BLVRA: variants seen among roughly 807,000 people sequenced by gnomAD.
BLVRA encodes the protein BVR A.
BLVRA carries 22 observed loss-of-function variants against 32.8 expected under a neutral mutation model. That is an observed-to-expected ratio of 0.67 (90% CI 0.48 to 0.96). The LOEUF (loss-of-function observed/expected upper bound fraction) is 0.96, where lower values mean the gene tolerates loss of function less well. Ranked by LOEUF, BLVRA falls within the 40% of genes least tolerant of loss-of-function variation. The probability of loss-of-function intolerance (pLI) is 0.00; values close to 1 mark genes in which losing one functional copy is unlikely to be tolerated. For synonymous variants in BLVRA, 119 were observed against 141.3 expected (o/e 0.84, Z 1.12); for missense variants, 323 against 358.1 (o/e 0.90, Z 0.79).
At chr7:43,791,124 G>A in intron 3 of BLVRA, 125 bp from the exon 4 acceptor site, 2 of 1,510,074 alleles carry the variant, frequency 1.3e-6, no homozygotes, top group African/African-American at 1.4e-5. Flanking sequence ...GGAAGTGGGA[G>A]AGAAGAAACT....
At chr7:43,800,307 G>A in intron 5 of BLVRA, 158 bp from the exon 6 acceptor site, 1 of 688,452 alleles carries the variant, frequency 1.5e-6, no homozygotes, top group Non-Finnish European at 2.7e-6. Context: ...CTCTTCAGCT[G>A]GGGTGGGTGA....
At chr7:43,786,838 G>C (rs1188734065) in intron 2 of BLVRA, among the ~76,000 whole-genome samples, 1 of 152,150 alleles carries the variant, frequency 6.6e-6, no homozygotes, top group Non-Finnish European at 1.5e-5. Context: ...TGGGTACAGA[G>C]GTGAAGAAAA....
intron 5 of BLVRA, among the ~76,000 whole-genome samples, chr7:43,793,942 GAA>G (rs77958021): frequency 7.0e-4 from 97 of 139,102 alleles, no homozygotes; most frequent in Admixed American, 1.1e-3. Flanking sequence ...TTAATTACAA[GAA>G]AAAAAAAAAA....
At chr7:43,761,387 G>T (rs2095742094) in intron 1 of BLVRA, among the ~76,000 whole-genome samples, 1 of 152,200 alleles carries the variant, frequency 6.6e-6, no homozygotes, top group Non-Finnish European at 1.5e-5. Flanking sequence ...CTGTGATTAT[G>T]AAAATGTGCT....
Position 43,797,229 on chromosome 7 carries a change from A to G in BLVRA, c.353-3236A>G, listed in dbSNP as rs185730846. On this transcript the variant is annotated intron_variant, in intron 5 of 7. Coordinates refer to ENST00000265523, the MANE Select transcript of BLVRA (RefSeq NM_000712.4). ...CAGCCACCTGAGTAACTGGGATTAT[A>G]GGTGCACACCACCACACACAGCTAA... Among the ~76,000 whole-genome samples, 228 of 152,330 alleles carry G rather than the reference A, an allele frequency of 1.5e-3. 1 individual carries two copies. The highest frequency in any genetic ancestry group is 5.4e-3 in the African/African-American group (223 of 41,564).
intron 1 of BLVRA, chr7:43,767,538 T>G: frequency 9.0e-7 from 1 of 1,109,248 alleles, no homozygotes; most frequent in East Asian, 2.4e-5. Context: ...GTGCTGGCCC[T>G]CTTTATGTAT....
intron 2 of BLVRA, 123 bp downstream of exon 2, chr7:43,771,293 A>G (rs919263114): frequency 8.8e-7 from 1 of 1,142,308 alleles, no homozygotes; most frequent in Non-Finnish European, 1.3e-6. Context: ...TTTCCCCTCT[A>G]GCCTACTGAA....
rs2095804609 is a variant in BLVRA, at chr7:43,806,963, T to G, written c.633-14T>G. 6.2e-7 allele frequency: 1 copy of G among 1,613,470 alleles called. No homozygotes were observed. Among genetic ancestry groups the G allele is most frequent in the South Asian group, 1.1e-5 (1 of 90,994 alleles). On this transcript the variant is annotated splice_polypyrimidine_tract_variant and intron_variant, in intron 7 of 7. Transcript: ENST00000265523. ...TAATCTCTAACATGATTCTTTTGTC[T>G]TTTGTCTTTGCAGTCCACTGTCATG...
At chr7:43,774,659 T>G (rs1456211589) in intron 2 of BLVRA, among the ~76,000 whole-genome samples, 1 of 152,226 alleles carries the variant, frequency 6.6e-6, no homozygotes, top group Non-Finnish European at 1.5e-5. Flanking sequence ...AAAGTAGTTT[T>G]TTCCAATTCT....
intron 2 of BLVRA, among the ~76,000 whole-genome samples, chr7:43,781,956 C>T (rs1463654495): frequency 6.6e-6 from 1 of 152,152 alleles, no homozygotes; most frequent in Non-Finnish European, 1.5e-5. Flanking sequence ...GTTCAAATGT[C>T]CTTTGTACTG....
At chr7:43,802,127 ACT>A (rs1327097514) in intron 6 of BLVRA, among the ~76,000 whole-genome samples, 1 of 152,128 alleles carries the variant, frequency 6.6e-6, no homozygotes, top group Non-Finnish European at 1.5e-5. Context: ...TGACAACGAG[ACT>A]CTGTCTCAAA....
chr7:43,772,206 C>T (rs1369314670), intron 2 of BLVRA, among the ~76,000 whole-genome samples: 1 of 152,240 alleles, frequency 6.6e-6, no homozygotes, highest in Non-Finnish European at 1.5e-5. Flanking sequence ...TCTCTGCTCT[C>T]CATCCAGCTG....
intron 5 of BLVRA, among the ~76,000 whole-genome samples, chr7:43,795,282 G>C (rs1471166023): frequency 2.0e-5 from 3 of 151,936 alleles, no homozygotes; most frequent in African/African-American, 7.3e-5. Context: ...TTGGGAGGCT[G>C]AGGCGGGCGA....
intron 4 of BLVRA, chr7:43,791,638 TG>T: frequency 2.4e-6 from 1 of 411,034 alleles, no homozygotes; most frequent in South Asian, 2.4e-5. Flanking sequence ...TTTATTTCTC[TG>T]TAAAAACCCA....
At chr7:43,806,902 G>C in intron 7 of BLVRA, 75 bp from the exon 8 acceptor site, 3 of 1,564,970 alleles carry the variant, frequency 1.9e-6, no homozygotes, top group Non-Finnish European at 2.6e-6. Flanking sequence ...TTACCAGGCG[G>C]TCTGGTGCCA....
In BLVRA at chr7:43,787,874, C is replaced by G. The variant is rs2095779766; in HGVS notation, c.13-30C>G. On this transcript the variant is annotated intron_variant, in intron 2 of 7. Coordinates refer to ENST00000265523, the MANE Select transcript of BLVRA (RefSeq NM_000712.4). The surrounding 1 kb of genome is among the most constrained non-coding windows in gnomAD (Gnocchi z 4.5). The stretch of plus-strand genomic sequence containing the variant: ...TTCTGCTCGATGCCTACAGTGTTTT[C>G]AGACTCCACCTTGGTCCCTTGTGTT... 6.2e-7 allele frequency: 1 copy of G among 1,614,120 alleles called. No homozygotes were observed. The highest frequency in any genetic ancestry group is 2.2e-5 in the East Asian group (1 of 44,874).
Position 43,792,100 on chromosome 7 carries a change from C to T in BLVRA, c.255-615C>T, listed in dbSNP as rs2095786824. Among the ~76,000 whole-genome samples the T allele has an allele frequency of 4.6e-5, 7 of 152,176 alleles. No homozygotes were observed. In the South Asian group the frequency reaches 1.2e-3, roughly 27 times the overall value. ...ACAGAATGAAATCTGAACTGCTGAG[C>T]ACAGAATTGTAGGTCCTTCACAGTC... On this transcript the variant is annotated intron_variant, in intron 4 of 7. Transcript: ENST00000265523.
chr7:43,805,867 C>G (rs776262227), intron 7 of BLVRA, among the ~76,000 whole-genome samples: 10 of 152,138 alleles, frequency 6.6e-5, no homozygotes, highest in Non-Finnish European at 1.0e-4. Context: ...CGCCTGGCCA[C>G]AAACTGCATT....
At chr7:43,801,439 C>A (rs780832623) in intron 6 of BLVRA, among the ~76,000 whole-genome samples, 1 of 152,190 alleles carries the variant, frequency 6.6e-6, no homozygotes, top group Admixed American at 6.5e-5. Flanking sequence ...CTGGCCGTAT[C>A]GTTGGGCACC....
Sources: gnomAD v4.1 joint callset for allele counts (sites outside exome capture counted in the v4.1 genomes callset) on GRCh38, gnomAD v4.1.1 for gene constraint, Gnocchi (gnomAD v3.1) non-coding constraint, MANE v1.5 for transcripts, NCBI Gene and HGNC (gene_info 2026-07-23, HGNC 2026-07-21) for gene names.